Variants in FER observed in about 807,000 individuals in gnomAD.
FER encodes the protein tyrosine-protein kinase Fer.
In FER, 63 loss-of-function variants were observed where a neutral mutation model predicts 111.0. The ratio of observed to expected loss-of-function variants is 0.57; its 90% confidence interval spans 0.46 to 0.70. FER has a LOEUF of 0.70. Ranked by LOEUF, FER falls within the 30% of genes least tolerant of loss-of-function variation. The pLI is 0.00. For synonymous variants in FER, 327 were observed against 313.9 expected (o/e 1.04, Z -0.44); for missense variants, 914 against 954.0 (o/e 0.96, Z 0.55).
At chr5:109,113,252 A>T (rs1242005058) in intron 17 of FER, among the ~76,000 whole-genome samples, 3 of 152,128 alleles carry the variant, frequency 2.0e-5, no homozygotes, top group African/African-American at 7.2e-5. Flanking sequence ...CCTGATCTTG[A>T]TCTGTCCTAG....
chr5:109,003,187 A>G (rs1446071132), intron 13 of FER, among the ~76,000 whole-genome samples: 1 of 152,244 alleles, frequency 6.6e-6, no homozygotes. Flanking sequence ...TTGAAGCACT[A>G]TTCACAATAG....
chr5:108,954,296 C>T (rs900286299), intron 11 of FER, among the ~76,000 whole-genome samples: 13 of 152,190 alleles, frequency 8.5e-5, no homozygotes, highest in African/African-American at 2.9e-4. Flanking sequence ...TATGACACTG[C>T]TCAGAACCTC....
intron 5 of FER, among the ~76,000 whole-genome samples, chr5:108,857,602 G>C (rs1040145614): frequency 6.6e-6 from 1 of 152,068 alleles, no homozygotes; most frequent in African/African-American, 2.4e-5. Context: ...TCTATCAATG[G>C]TTCCTGCCTA....
chr5:108,916,232 C>A (rs1371281147), intron 10 of FER, among the ~76,000 whole-genome samples: 1 of 152,058 alleles, frequency 6.6e-6, no homozygotes, highest in Admixed American at 6.5e-5. Flanking sequence ...ACATATGGAT[C>A]CAATTTGTGG....
intron 9 of FER, among the ~76,000 whole-genome samples, chr5:108,887,288 A>C (rs1038332935): frequency 2.6e-5 from 4 of 151,838 alleles, no homozygotes; most frequent in Non-Finnish European, 5.9e-5. Flanking sequence ...ACATTTTTAT[A>C]ATTTGAATTT....
intron 13 of FER, among the ~76,000 whole-genome samples, chr5:109,007,634 C>T (rs1230737365): frequency 1.3e-5 from 2 of 152,158 alleles, no homozygotes; most frequent in Non-Finnish European, 2.9e-5. Context: ...AATAACATTT[C>T]CTTGTGATGT....
At chr5:108,826,567 A>G (rs62363285) in intron 3 of FER, among the ~76,000 whole-genome samples, 35,486 of 152,036 alleles carry the variant, frequency 0.23, 4,366 homozygotes, top group African/African-American at 0.3. Context: ...CTTGTTTCTT[A>G]TAGTGTCTTT....
intron 16 of FER, among the ~76,000 whole-genome samples, chr5:109,088,880 A>G (rs1479628778): frequency 6.6e-6 from 1 of 152,188 alleles, no homozygotes; most frequent in Non-Finnish European, 1.5e-5. Context: ...ACAGCCTCTT[A>G]TAGAGAAAAC....
intron 17 of FER, among the ~76,000 whole-genome samples, chr5:109,166,044 G>C (rs971173631): frequency 2.0e-5 from 3 of 152,064 alleles, no homozygotes; most frequent in Admixed American, 1.3e-4. Flanking sequence ...TTTCAGCAAT[G>C]CTTCTCAGGA....
intron 10 of FER, among the ~76,000 whole-genome samples, chr5:108,925,969 C>T (rs1000011571): frequency 1.3e-5 from 2 of 151,860 alleles, no homozygotes; most frequent in African/African-American, 2.4e-5. Flanking sequence ...TAGCTAGTGA[C>T]TTGCATAACT....
At chr5:109,183,102 T>A (rs1309867227) in intron 18 of FER, among the ~76,000 whole-genome samples, 1 of 152,100 alleles carries the variant, frequency 6.6e-6, no homozygotes, top group Non-Finnish European at 1.5e-5. Context: ...GAAGGAGAGA[T>A]TTTGATATAG....
At chr5:109,058,599 A>C (rs892623215) in intron 16 of FER, among the ~76,000 whole-genome samples, 1 of 151,898 alleles carries the variant, frequency 6.6e-6, no homozygotes, top group African/African-American at 2.4e-5. Flanking sequence ...CATGGCTTTG[A>C]ATCCTCTAGT....
chr5:109,093,105 G>A (rs1747032350), intron 16 of FER, among the ~76,000 whole-genome samples: 1 of 152,130 alleles, frequency 6.6e-6, no homozygotes, highest in Non-Finnish European at 1.5e-5. Flanking sequence ...TTGCAAGGAA[G>A]GGAAAACAGT....
chr5:108,767,260 G>GC (rs1752425117), intron 1 of FER, among the ~76,000 whole-genome samples: 1 of 152,144 alleles, frequency 6.6e-6, no homozygotes, highest in Admixed American at 6.5e-5. Context: ...TCGAGATCAT[G>GC]CCAGAGCACT....
chr5:108,794,524 G>GCCCCCC (rs1415651696), intron 2 of FER, among the ~76,000 whole-genome samples: 34 of 53,696 alleles, frequency 6.3e-4, no homozygotes, highest in African/African-American at 7.1e-4. Flanking sequence ...TGCCCCCTCC[G>GCCCCCC]CACCCCCCCC....
At chr5:108,824,116 C>T (rs963739795) in intron 3 of FER, among the ~76,000 whole-genome samples, 5 of 152,014 alleles carry the variant, frequency 3.3e-5, no homozygotes, top group Non-Finnish European at 5.9e-5. Context: ...TCTGTGCTCC[C>T]TCTATTCTTC....
At chr5:108,774,004 T>C (rs186735770) in intron 2 of FER, among the ~76,000 whole-genome samples, 45 of 152,242 alleles carry the variant, frequency 3.0e-4, no homozygotes, top group African/African-American at 1.0e-3. Context: ...ATGTGTGCCA[T>C]GGTGGTTTGC....
chr5:109,072,085 G>T (rs1323874700), intron 16 of FER, among the ~76,000 whole-genome samples: 2 of 151,432 alleles, frequency 1.3e-5, no homozygotes, highest in African/African-American at 4.8e-5. Context: ...GACCAAGATT[G>T]TATATACATT....
chr5:109,140,878 C>A (rs1753448544), intron 17 of FER, among the ~76,000 whole-genome samples: 4 of 152,178 alleles, frequency 2.6e-5, no homozygotes, highest in African/African-American at 9.6e-5. Flanking sequence ...GAACAGTCCC[C>A]TCATAAGTCA....
Sources: allele counts gnomAD v4.1 joint callset (sites outside exome capture counted in the v4.1 genomes callset), GRCh38; gene constraint gnomAD v4.1.1; transcripts MANE v1.5; gene names NCBI Gene and HGNC (gene_info 2026-07-23, HGNC 2026-07-21).